PTPN21: variants seen among roughly 807,000 people sequenced by gnomAD.
PTPN21 encodes the protein tyrosine-protein phosphatase non-receptor type 21.
Under a neutral mutation model 131.8 loss-of-function variants are expected in PTPN21, and 77 were observed. The observed-to-expected ratio is 0.58, with a 90% confidence interval of 0.49 to 0.71. PTPN21 has a LOEUF of 0.71. Ranked by LOEUF, PTPN21 falls within the 30% of genes least tolerant of loss-of-function variation. PTPN21 has a pLI of 0.00. For missense variants in PTPN21, 1,552 were observed against 1,527.1 expected (o/e 1.02, Z -0.27); for synonymous variants, 715 against 621.3 (o/e 1.15, Z -2.24).
At chr14:88,490,545 G>A (rs989785479) in intron 10 of PTPN21, among the ~76,000 whole-genome samples, 1 of 152,246 alleles carries the variant, frequency 6.6e-6, no homozygotes, top group Non-Finnish European at 1.5e-5. Flanking sequence ...CAGGGGACTG[G>A]AATGGGATAG....
Position 88,470,030 on chromosome 14 carries a change from T to A in PTPN21, c.2892A>T (p.Glu964Asp). Residue 964 changes from glutamate (E) to aspartate (D), a missense_variant, in exon 16 of 19, where the codon GAA becomes GAT. By Grantham distance (45) the Glu-to-Asp change is conservative (BLOSUM62 2). This residue lies in a region of PTPN21 where 316 missense variants were observed against 378.5 expected (regional missense o/e 0.83). Transcript: ENST00000556564. ...GTCCCTGTGTGGCAATATAATCCCA[T>A]TCGATTCCACTGACAGAGACCTGGG... ...SHIKVSVSGIEWDYIATQGPL... is the reference protein window; with the variant it reads ...SHIKVSVSGIDWDYIATQGPL... The A allele has an allele frequency of 6.2e-7, 1 of 1,613,360 alleles. No homozygotes were observed. The highest frequency in any genetic ancestry group is 1.1e-5 in the South Asian group (1 of 91,060).
At chr14:88,485,732 GA>G in intron 11 of PTPN21, 49 bp downstream of exon 11, 1 of 1,358,742 alleles carries the variant, frequency 7.4e-7, no homozygotes. Flanking sequence ...TTTTATTCAG[GA>G]AAAACATCAC....
At position 88,493,011 on chromosome 14, in the gene PTPN21, C is replaced by CT. The variant is rs1391218934; in HGVS notation, c.932+3401dup. 7 of 441,230 alleles carry CT rather than the reference C, an allele frequency of 1.6e-5. 1 individual carries two copies. Among genetic ancestry groups the CT allele is most frequent in the Admixed American group, 7.9e-5 (3 of 38,086 alleles). The allele number at this position is 441,230 out of a possible 1,614,324, so 27.3% of individuals were successfully genotyped here. A position where few individuals can be genotyped will look rare whatever the true frequency, so the allele number is the denominator to read the frequency against. ...ATGAAAAAAGCAGGCAGGAACTACT[C>CT]TAACAGGCTAGCACAGCGGCTAAGA... is the stretch of plus-strand genomic sequence containing the variant. On this transcript the variant is annotated intron_variant, in intron 10 of 18. Transcript: ENST00000556564.
At chr14:88,539,221 T>C (rs1487242163) in intron 2 of PTPN21, among the ~76,000 whole-genome samples, 5 of 151,582 alleles carry the variant, frequency 3.3e-5, no homozygotes, top group Admixed American at 3.3e-4. Context: ...GTAGCTGAGA[T>C]TACAGGCGAC....
At chr14:88,473,594 A>T (rs1373344021) in intron 14 of PTPN21, 71 bp downstream of exon 14, 12 of 1,514,676 alleles carry the variant, frequency 7.9e-6, no homozygotes, top group Non-Finnish European at 5.3e-6. Context: ...CCAAAATCTC[A>T]TGAAGGCATT....
chr14:88,471,233 C>T (rs998204592), intron 15 of PTPN21, among the ~76,000 whole-genome samples: 3 of 152,140 alleles, frequency 2.0e-5, no homozygotes, highest in Non-Finnish European at 4.4e-5. Flanking sequence ...TACTTGCAAA[C>T]TAAAGAAAAA....
rs1183798848 is a variant in PTPN21 at position 88,507,948 on chromosome 14, A to C, written c.423T>G (p.Ile141Met). ...CTTGAACAGCTAAGCCTGCTAGCTGAATTGCTTGTTCTAAGGTACAAGGAA... is the reference window on the plus strand; with the variant it reads ...CTTGAACAGCTAAGCCTGCTAGCTGCATTGCTTGTTCTAAGGTACAAGGAA... ...GSIPCTLEQA[I>M]QLAGLAVQAD... is the part of the protein sequence containing the mutation. The change falls in exon 4 of 19, where the codon ATT becomes ATG. Residue 141 changes from isoleucine to methionine, a missense_variant. This residue lies in a region of PTPN21 where 206 missense variants were observed against 221.6 expected (regional missense o/e 0.93). Coordinates refer to ENST00000556564, the MANE Select transcript of PTPN21 (RefSeq NM_007039.4). 16 of 1,605,386 alleles carry C rather than the reference A, an allele frequency of 1.0e-5. No homozygotes were observed. Among genetic ancestry groups the C allele is most frequent in the Non-Finnish European group, 1.4e-5 (16 of 1,175,094 alleles).
chr14:88,546,280 G>A (rs566028670), intron 2 of PTPN21, among the ~76,000 whole-genome samples: 6 of 151,250 alleles, frequency 4.0e-5, no homozygotes, highest in African/African-American at 1.2e-4. Context: ...TTATAGGCCC[G>A]GGCACGTTGG....
intron 15 of PTPN21, among the ~76,000 whole-genome samples, chr14:88,470,895 A>G (rs2077454505): frequency 6.6e-6 from 1 of 152,084 alleles, no homozygotes. Context: ...AACACAGCTT[A>G]TAAAGTGAGG....
At chr14:88,473,615 T>C in intron 14 of PTPN21, 50 bp downstream of exon 14, 1 of 1,576,052 alleles carries the variant, frequency 6.3e-7, no homozygotes, top group Non-Finnish European at 8.6e-7. Context: ...TGCGTAGTAT[T>C]TACCGGTTGT....
intron 2 of PTPN21, among the ~76,000 whole-genome samples, chr14:88,523,991 T>C (rs548249341): frequency 6.6e-6 from 1 of 152,166 alleles, no homozygotes; most frequent in East Asian, 1.9e-4. Flanking sequence ...TCTAAATAAA[T>C]AGAAAGATAT....
chr14:88,515,130 CTG>C (rs1394798498), intron 3 of PTPN21: 5 of 152,186 alleles, frequency 3.3e-5, no homozygotes, highest in Non-Finnish European at 7.3e-5. Flanking sequence ...CTTGAAGACT[CTG>C]TGGAGCTGTC....
rs182584706 is a variant in PTPN21, at chr14:88,508,175, G to T, written c.351-155C>A. 4.4e-3 allele frequency among the ~76,000 whole-genome samples: 667 copies of T among 150,004 alleles called. 4 individuals carry two copies. The highest frequency in any genetic ancestry group is 0.016 in the African/African-American group (648 of 40,916). ...GTTTTTTTTTTTTTTTTTAGATAGG[G>T]TCTCCCTTTGTTGCCCAGGCTCGAG... On this transcript the variant is annotated intron_variant, in intron 3 of 18. Coordinates refer to ENST00000556564, the MANE Select transcript of PTPN21 (RefSeq NM_007039.4).
chr14:88,478,514 G>A (rs1298344773), intron 13 of PTPN21, among the ~76,000 whole-genome samples: 1 of 152,154 alleles, frequency 6.6e-6, no homozygotes, highest in Non-Finnish European at 1.5e-5. Context: ...TATCTCTTGA[G>A]CAAACTAAAC....
At chr14:88,504,787 A>T (rs902752295) in intron 5 of PTPN21, among the ~76,000 whole-genome samples, 1 of 152,178 alleles carries the variant, frequency 6.6e-6, no homozygotes, top group Non-Finnish European at 1.5e-5. Context: ...GCAAGATAAA[A>T]ACATCTTGTG....
chr14:88,491,827 T>C (rs777125501), intron 10 of PTPN21, among the ~76,000 whole-genome samples: 36 of 152,056 alleles, frequency 2.4e-4, no homozygotes, highest in Admixed American at 7.2e-4. Flanking sequence ...ACATAACTAT[T>C]CCATTTTAAA....
At chr14:88,494,897 C>T (rs1279945385) in intron 10 of PTPN21, among the ~76,000 whole-genome samples, 1 of 150,664 alleles carries the variant, frequency 6.6e-6, no homozygotes, top group Non-Finnish European at 1.5e-5. Context: ...CCTGTAGTCC[C>T]AGCTACTCAA....
intron 3 of PTPN21, among the ~76,000 whole-genome samples, chr14:88,511,729 G>A (rs2078187483): frequency 6.6e-6 from 1 of 152,112 alleles, no homozygotes. Context: ...ATTCAAAACT[G>A]TCAGCCAAGG....
At position 88,479,756 on chromosome 14, in the gene PTPN21, G is replaced by C. The variant is rs752768310; in HGVS notation, c.1675C>G (p.Arg559Gly). Residue 559 changes from arginine (R) to glycine (G), a missense_variant, in exon 13 of 19, where the codon CGG becomes GGG. Around this residue, in one of 4 missense-constraint regions of PTPN21, gnomAD observed 1,016 missense variants for 883.5 expected, o/e 1.15. Transcript: ENST00000556564. ...AQDYPSPNIM[R>G]TQVYRPPPPY... ...GGGGGTGGCCGGTACACCTGCGTCC[G>C]CATGATGTTGGGAGACGGGTAGTCC... The C allele has an allele frequency of 1.7e-5, 26 of 1,543,206 alleles. No individual in the cohort carries two copies. The highest frequency in any genetic ancestry group is 2.2e-5 in the Non-Finnish European group (25 of 1,151,600).
Sources: gnomAD v4.1 joint callset for allele counts (sites outside exome capture counted in the v4.1 genomes callset) on GRCh38, gnomAD v4.1.1 for gene constraint, gnomAD v4.1.1 regional missense constraint, MANE v1.5 for transcripts, NCBI Gene and HGNC (gene_info 2026-07-23, HGNC 2026-07-21) for gene names.